SBF2: variants seen among roughly 807,000 people sequenced by gnomAD.
SBF2 encodes the protein SET binding factor 2.
A neutral mutation model predicts 225.2 loss-of-function variants in SBF2; 112 were observed. That is an observed-to-expected ratio of 0.50 (90% CI 0.43 to 0.58). SBF2 has a LOEUF of 0.58. SBF2 is among the 20% of genes least tolerant of loss of function. SBF2 has a pLI of 0.00. For synonymous variants in SBF2, 763 were observed against 773.3 expected, an observed-to-expected ratio of 0.99 and a Z score of 0.22; for missense variants, 1,996 against 2,206.2, an observed-to-expected ratio of 0.90 and a Z score of 1.91.
At chr11:10,039,311 C>G (rs935622807) in intron 3 of SBF2, among the ~76,000 whole-genome samples, 1 of 151,648 alleles carries the variant, frequency 6.6e-6, no homozygotes, top group Non-Finnish European at 1.5e-5. Flanking sequence ...AAAATGAAAA[C>G]AACTTTACTG....
chr11:10,183,165 A>G (rs1204447802), intron 2 of SBF2, among the ~76,000 whole-genome samples: 1 of 152,150 alleles, frequency 6.6e-6, no homozygotes, highest in African/African-American at 2.4e-5. Flanking sequence ...TCTGGCTTGA[A>G]GAAGAAAACC....
chr11:10,189,861 G>A (rs748869463), intron 2 of SBF2, among the ~76,000 whole-genome samples: 1 of 152,172 alleles, frequency 6.6e-6, no homozygotes, highest in Admixed American at 6.5e-5. Context: ...TTAAAAAGGA[G>A]CTAAGGTCGG....
At chr11:9,969,261 A>T (rs1265345640) in intron 13 of SBF2, among the ~76,000 whole-genome samples, 1 of 152,186 alleles carries the variant, frequency 6.6e-6, no homozygotes, top group East Asian at 1.9e-4. Flanking sequence ...GTTTCACAAC[A>T]CTTTGGTTCA....
chr11:9,817,713 T>TG (rs1198101354), intron 28 of SBF2, among the ~76,000 whole-genome samples: 1 of 127,174 alleles, frequency 7.9e-6, no homozygotes, highest in Non-Finnish European at 1.6e-5. Flanking sequence ...GAAACCAGCC[T>TG]GGGCAACATG....
chr11:9,940,303 G>A (rs543263721), intron 16 of SBF2, among the ~76,000 whole-genome samples: 112 of 152,278 alleles, frequency 7.4e-4, no homozygotes, highest in African/African-American at 2.5e-3. Context: ...TACTTGGGAG[G>A]CTGAGGCAGG....
intron 6 of SBF2, among the ~76,000 whole-genome samples, chr11:10,019,283 C>T (rs1258547623): frequency 1.3e-5 from 2 of 152,190 alleles, no homozygotes; most frequent in African/African-American, 4.8e-5. Context: ...GAACAGTTTT[C>T]GTTAGAGATC....
intron 17 of SBF2, among the ~76,000 whole-genome samples, chr11:9,875,048 G>A (rs972187427): frequency 6.6e-6 from 1 of 152,076 alleles, no homozygotes; most frequent in African/African-American, 2.4e-5. Flanking sequence ...TATTTATTTT[G>A]GAAAGATTGA....
intron 2 of SBF2, among the ~76,000 whole-genome samples, chr11:10,161,111 G>A (rs1360157348): frequency 1.3e-5 from 2 of 150,342 alleles, no homozygotes; most frequent in Non-Finnish European, 2.9e-5. Context: ...CTTGAGCCTG[G>A]GAGACAGAGT....
intron 16 of SBF2, among the ~76,000 whole-genome samples, chr11:9,909,703 T>C (rs1862438472): frequency 6.6e-6 from 1 of 151,896 alleles, no homozygotes; most frequent in Non-Finnish European, 1.5e-5. Context: ...CCTGACGACT[T>C]TGTGGTAAAA....
At chr11:9,989,897 T>G (rs1003009217) in intron 12 of SBF2, among the ~76,000 whole-genome samples, 5 of 152,148 alleles carry the variant, frequency 3.3e-5, no homozygotes, top group African/African-American at 1.2e-4. Context: ...ATTCAGACAG[T>G]CAGAAAGTGT....
chr11:9,802,326 C>T (rs1176803812), intron 32 of SBF2, among the ~76,000 whole-genome samples: 1 of 152,142 alleles, frequency 6.6e-6, no homozygotes, highest in Non-Finnish European at 1.5e-5. Flanking sequence ...AAACAGTGAG[C>T]TAGCATTTAT....
chr11:9,834,595 C>T (rs1304831488), intron 26 of SBF2, among the ~76,000 whole-genome samples: 1 of 152,178 alleles, frequency 6.6e-6, no homozygotes, highest in Non-Finnish European at 1.5e-5. Flanking sequence ...AACTTGGAAG[C>T]ATTCTGAAAG....
chr11:9,843,942 T>A (rs1422189139), intron 24 of SBF2: 1 of 152,224 alleles, frequency 6.6e-6, no homozygotes, highest in Non-Finnish European at 1.5e-5. Context: ...ATATCTTTTG[T>A]TTCATATACC....
intron 30 of SBF2, chr11:9,809,290 A>AC (rs1338949840): frequency 1.2e-5 from 4 of 322,982 alleles, no homozygotes; most frequent in African/African-American, 4.2e-5. Context: ...ACATAGTAAG[A>AC]CCCCATCTCA....
chr11:9,932,491 A>G (rs997392213), intron 16 of SBF2, among the ~76,000 whole-genome samples: 2 of 152,200 alleles, frequency 1.3e-5, no homozygotes, highest in Non-Finnish European at 2.9e-5. Flanking sequence ...CTTCTTAAAG[A>G]AAATAATTTT....
intron 15 of SBF2, among the ~76,000 whole-genome samples, chr11:9,962,496 A>C (rs1295690258): frequency 6.6e-6 from 1 of 152,240 alleles, no homozygotes; most frequent in Admixed American, 6.5e-5. Flanking sequence ...AAATTAAAAC[A>C]ATAAGAAATA....
intron 1 of SBF2, among the ~76,000 whole-genome samples, chr11:10,252,498 C>T (rs1960455056): frequency 6.6e-6 from 1 of 152,190 alleles, no homozygotes; most frequent in African/African-American, 2.4e-5. Flanking sequence ...AGTGTTAAAA[C>T]TGTGTTCAAA....
At chr11:9,991,718 A>G (rs554751765) in intron 12 of SBF2, among the ~76,000 whole-genome samples, 16 of 152,312 alleles carry the variant, frequency 1.1e-4, no homozygotes, top group Middle Eastern at 3.4e-3. Flanking sequence ...ATTTTGAGTC[A>G]CATCTGCCCT....
At chr11:10,214,072 T>A (rs1958036123) in intron 1 of SBF2, among the ~76,000 whole-genome samples, 1 of 152,148 alleles carries the variant, frequency 6.6e-6, no homozygotes, top group Non-Finnish European at 1.5e-5. Context: ...AGCCCTGCAG[T>A]TTAAATTTTC....
Sources: allele counts gnomAD v4.1 joint callset (sites outside exome capture counted in the v4.1 genomes callset), GRCh38; gene constraint gnomAD v4.1.1; transcripts MANE v1.5; gene names NCBI Gene and HGNC (gene_info 2026-07-23, HGNC 2026-07-21).